DENND1A: variants seen among roughly 807,000 people sequenced by gnomAD.
The protein encoded by DENND1A is DENN domain containing 1A.
In DENND1A, 51 loss-of-function variants were observed where a neutral mutation model predicts 113.7. The observed-to-expected ratio is 0.45, with a 90% CI of 0.36 to 0.57. The LOEUF (loss-of-function observed/expected upper bound fraction) is 0.57, where lower values mean the gene tolerates loss of function less well. Ranked by LOEUF, DENND1A falls within the 20% of genes least tolerant of loss-of-function variation. DENND1A has a pLI of 0.00. For synonymous variants in DENND1A, 565 were observed against 570.8 expected, an observed-to-expected ratio of 0.99 and a Z score of 0.14; for missense variants, 1,258 against 1,395.9, an observed-to-expected ratio of 0.90 and a Z score of 1.57.
chr9:123,816,067 C>T (rs564831373), intron 2 of DENND1A, among the ~76,000 whole-genome samples: 1 of 144,002 alleles, frequency 6.9e-6, no homozygotes, highest in South Asian at 2.2e-4. Flanking sequence ...GTGGCACAAT[C>T]CTGGCTCACT....
intron 5 of DENND1A, among the ~76,000 whole-genome samples, chr9:123,688,541 G>A (rs897569192): frequency 6.6e-5 from 10 of 152,152 alleles, no homozygotes; most frequent in Non-Finnish European, 1.3e-4. Context: ...GGCAACAGGC[G>A]CAGAGCTTGG....
chr9:123,632,898 TA>T (rs2061540058), intron 9 of DENND1A, among the ~76,000 whole-genome samples: 5 of 151,360 alleles, frequency 3.3e-5, no homozygotes, highest in African/African-American at 1.2e-4. Flanking sequence ...GCACCTATTA[TA>T]ATAATAATAA....
chr9:123,865,707 AAT>A (rs2133351699), intron 2 of DENND1A, among the ~76,000 whole-genome samples: 2 of 152,086 alleles, frequency 1.3e-5, no homozygotes, highest in South Asian at 4.1e-4. Flanking sequence ...ATGTGATGAT[AAT>A]ATGAGATATT....
chr9:123,523,009 T>G (rs1003893302), intron 13 of DENND1A, among the ~76,000 whole-genome samples: 1 of 152,176 alleles, frequency 6.6e-6, no homozygotes, highest in Admixed American at 6.5e-5. Context: ...CACAGTCTAG[T>G]GGGGCAGAGA....
At chr9:123,495,590 T>C (rs1391409882) in intron 13 of DENND1A, among the ~76,000 whole-genome samples, 1 of 152,190 alleles carries the variant, frequency 6.6e-6, no homozygotes, top group African/African-American at 2.4e-5. Context: ...TTCTACATCT[T>C]GAGAGAACCC....
chr9:123,774,040 G>A (rs1830112772), intron 3 of DENND1A, among the ~76,000 whole-genome samples: 2 of 152,124 alleles, frequency 1.3e-5, no homozygotes, highest in African/African-American at 4.8e-5. Context: ...GGAAACCATG[G>A]GAGAACATTT....
At chr9:123,657,464 G>C (rs929947623) in intron 8 of DENND1A, among the ~76,000 whole-genome samples, 1 of 152,070 alleles carries the variant, frequency 6.6e-6, no homozygotes, top group Admixed American at 6.6e-5. Context: ...GAGAGAAAGC[G>C]TCTTAGGTTC....
chr9:123,863,606 A>C (rs1268861034), intron 2 of DENND1A, among the ~76,000 whole-genome samples: 1 of 152,220 alleles, frequency 6.6e-6, no homozygotes, highest in Non-Finnish European at 1.5e-5. Flanking sequence ...TTAAAAAAAA[A>C]AAAAACAACT....
At chr9:123,468,375 A>G (rs2049123731) in intron 13 of DENND1A, among the ~76,000 whole-genome samples, 1 of 152,180 alleles carries the variant, frequency 6.6e-6, no homozygotes, top group African/African-American at 2.4e-5. Context: ...AGATTTTGAA[A>G]TTCCCCAACT....
intron 21 of DENND1A, among the ~76,000 whole-genome samples, chr9:123,392,869 C>G (rs1251812782): frequency 2.0e-5 from 3 of 152,178 alleles, no homozygotes; most frequent in Non-Finnish European, 4.4e-5. Flanking sequence ...TACGCCTTTG[C>G]ATCCTCAAAG....
intron 11 of DENND1A, among the ~76,000 whole-genome samples, chr9:123,586,104 A>T (rs1398030032): frequency 1.3e-5 from 2 of 152,034 alleles, no homozygotes; most frequent in Non-Finnish European, 2.9e-5. Flanking sequence ...GACTCACAAC[A>T]TCCTGGAGGA....
chr9:123,493,009 C>G (rs2051519922), intron 13 of DENND1A: 1 of 152,250 alleles, frequency 6.6e-6, no homozygotes, highest in Admixed American at 6.5e-5. Context: ...ACCTGAGGAA[C>G]CCCTGCTGAG....
chr9:123,728,479 C>CAAAAA (rs60761810), intron 5 of DENND1A, among the ~76,000 whole-genome samples: 789 of 25,202 alleles, frequency 0.031, 170 homozygotes, highest in African/African-American at 0.049. Context: ...CTCTGTCTCC[C>CAAAAA]AAAAAAAAAA....
At chr9:123,401,546 A>G (rs1380385189) in intron 21 of DENND1A, 2 of 1,357,252 alleles carry the variant, frequency 1.5e-6, no homozygotes, top group African/African-American at 2.9e-5. Context: ...AAAACCTGTC[A>G]TTTGTTTTCT....
At chr9:123,495,170 T>TCTCTCTCTCTCTCTC (rs371539514) in intron 13 of DENND1A, among the ~76,000 whole-genome samples, 45 of 149,492 alleles carry the variant, frequency 3.0e-4, no homozygotes, top group African/African-American at 4.5e-4. Flanking sequence ...TCTCTCTCTC[T>TCTCTCTCTCTCTCTC]TATAATGTCT....
At chr9:123,695,760 C>G (rs190460376) in intron 5 of DENND1A, among the ~76,000 whole-genome samples, 1 of 152,286 alleles carries the variant, frequency 6.6e-6, no homozygotes, top group East Asian at 1.9e-4. Flanking sequence ...TGGGCACACA[C>G]CCGTGGCAGA....
intron 9 of DENND1A, among the ~76,000 whole-genome samples, chr9:123,644,303 A>T (rs370431628): frequency 1.3e-5 from 2 of 148,404 alleles, no homozygotes; most frequent in East Asian, 4.0e-4. Flanking sequence ...AGTACTGAGG[A>T]CGAATCTACT....
intron 2 of DENND1A, among the ~76,000 whole-genome samples, chr9:123,797,653 T>C (rs954218057): frequency 2.0e-5 from 3 of 152,262 alleles, no homozygotes; most frequent in East Asian, 1.9e-4. Context: ...ACCTGACTCA[T>C]TAGGTTAGCA....
intron 1 of DENND1A, among the ~76,000 whole-genome samples, chr9:123,907,160 C>T (rs1477876827): frequency 1.4e-5 from 2 of 143,182 alleles, no homozygotes; most frequent in African/African-American, 2.6e-5. Flanking sequence ...ATTCAACAAC[C>T]CTTCATGCTA....
Sources: allele counts gnomAD v4.1 joint callset (sites outside exome capture counted in the v4.1 genomes callset), GRCh38; gene constraint gnomAD v4.1.1; transcripts MANE v1.5; gene names NCBI Gene and HGNC (gene_info 2026-07-23, HGNC 2026-07-21).